KCND2: variants seen among roughly 807,000 people sequenced by gnomAD.
KCND2 encodes potassium voltage-gated channel subfamily D member 2.
Under a neutral mutation model 54.4 loss-of-function variants are expected in KCND2, and 16 were observed. The ratio of observed to expected loss-of-function variants is 0.29; its 90% CI spans 0.20 to 0.45. The LOEUF (loss-of-function observed/expected upper bound fraction) is 0.45. Ranked by LOEUF, KCND2 falls within the 20% of genes least tolerant of loss-of-function variation. The probability of loss-of-function intolerance (pLI) is 1.00; values close to 1 mark genes in which losing one functional copy is unlikely to be tolerated. For missense variants in KCND2, 486 were observed against 824.2 expected (o/e 0.59, Z 5.02); for synonymous variants, 317 against 310.7 (o/e 1.02, Z -0.21).
At chr7:120,729,115 G>T (rs1420773547) in intron 1 of KCND2, among the ~76,000 whole-genome samples, 1 of 152,130 alleles carries the variant, frequency 6.6e-6, no homozygotes, top group Non-Finnish European at 1.5e-5. Flanking sequence ...CTAGTTAGAA[G>T]ATCTTTTGTT....
chr7:120,662,464 A>T (rs188497446), intron 1 of KCND2, among the ~76,000 whole-genome samples: 25 of 152,320 alleles, frequency 1.6e-4, no homozygotes, highest in African/African-American at 6.0e-4. Context: ...CAATGATAAG[A>T]TTACATTCCA....
At chr7:120,494,036 CAG>C (rs1802818303) in intron 1 of KCND2, among the ~76,000 whole-genome samples, 1 of 152,072 alleles carries the variant, frequency 6.6e-6, no homozygotes, top group African/African-American at 2.4e-5. Context: ...TGATAACAAA[CAG>C]AATAATATTT....
chr7:120,733,900 T>A (rs1454593304), intron 2 of KCND2, among the ~76,000 whole-genome samples: 1 of 152,196 alleles, frequency 6.6e-6, no homozygotes, highest in Non-Finnish European at 1.5e-5. Context: ...CAATATTTAA[T>A]GTTTACTGAT....
chr7:120,447,970 A>G (rs1247991733), intron 1 of KCND2, among the ~76,000 whole-genome samples: 2 of 152,120 alleles, frequency 1.3e-5, no homozygotes, highest in Non-Finnish European at 2.9e-5. Flanking sequence ...TTCATGAATT[A>G]TTAGTTTGAA....
intron 1 of KCND2, among the ~76,000 whole-genome samples, chr7:120,426,842 G>A (rs142521461): frequency 1.9e-4 from 29 of 152,064 alleles, no homozygotes; most frequent in African/African-American, 6.0e-4. Context: ...GGATGGTCTC[G>A]ATCTCCTGAC....
intron 1 of KCND2, among the ~76,000 whole-genome samples, chr7:120,578,050 AG>A (rs1216502505): frequency 6.6e-6 from 1 of 151,604 alleles, no homozygotes; most frequent in Non-Finnish European, 1.5e-5. Context: ...AAGGAGAAGA[AG>A]AAGAAGAAGA....
chr7:120,508,891 A>ATTTTATTT (rs1803069903), intron 1 of KCND2, among the ~76,000 whole-genome samples: 1 of 138,250 alleles, frequency 7.2e-6, no homozygotes, highest in South Asian at 2.3e-4. Context: ...GCCTTTCACG[A>ATTTTATTT]TTTTTTTTTT....
intron 1 of KCND2, among the ~76,000 whole-genome samples, chr7:120,548,241 C>T (rs1301729495): frequency 1.3e-5 from 2 of 152,050 alleles, no homozygotes; most frequent in Admixed American, 6.6e-5. Flanking sequence ...CAGCCATGCT[C>T]TCTCACTTTT....
At chr7:120,511,179 AT>A (rs1803109124) in intron 1 of KCND2, among the ~76,000 whole-genome samples, 1 of 152,030 alleles carries the variant, frequency 6.6e-6, no homozygotes, top group Non-Finnish European at 1.5e-5. Flanking sequence ...GGAGAACTCC[AT>A]GGTTCACTCT....
At chr7:120,328,489 C>A (rs1227758034) in intron 1 of KCND2, among the ~76,000 whole-genome samples, 1 of 152,018 alleles carries the variant, frequency 6.6e-6, no homozygotes, top group Non-Finnish European at 1.5e-5. Flanking sequence ...GACAGTTTAA[C>A]CAGGATAATC....
chr7:120,290,309 G>A (rs1473176062), intron 1 of KCND2, among the ~76,000 whole-genome samples: 1 of 151,936 alleles, frequency 6.6e-6, no homozygotes, highest in African/African-American at 2.4e-5. Flanking sequence ...AGTTCCCATA[G>A]AAGCAAAGTC....
intron 1 of KCND2, among the ~76,000 whole-genome samples, chr7:120,351,404 ACACACACACTCTCT>A (rs1323156082): frequency 7.4e-6 from 1 of 134,910 alleles, no homozygotes; most frequent in Non-Finnish European, 1.6e-5. Context: ...ACACACACAC[ACACACACACTCTCT>A]CTCTCTCTCT....
chr7:120,415,309 G>C (rs1050959066), intron 1 of KCND2, among the ~76,000 whole-genome samples: 1 of 152,140 alleles, frequency 6.6e-6, no homozygotes, highest in Non-Finnish European at 1.5e-5. Context: ...AGAAGTTCTT[G>C]TAAAAGCTTT....
chr7:120,739,023 T>C (rs775904070), intron 2 of KCND2, among the ~76,000 whole-genome samples: 1 of 151,992 alleles, frequency 6.6e-6, no homozygotes, highest in South Asian at 2.1e-4. Flanking sequence ...CAAAAATGGA[T>C]AGTCTGTCTC....
chr7:120,725,338 A>G (rs1346207896), intron 1 of KCND2, among the ~76,000 whole-genome samples: 2 of 152,322 alleles, frequency 1.3e-5, no homozygotes, highest in East Asian at 1.9e-4. Context: ...GATACCTAGC[A>G]TTAGAGAAAA....
intron 1 of KCND2, among the ~76,000 whole-genome samples, chr7:120,596,519 G>A (rs990067308): frequency 6.6e-6 from 1 of 152,086 alleles, no homozygotes. Flanking sequence ...GACATAGAAA[G>A]GTTCTTAATC....
chr7:120,373,488 C>T (rs1800792848), intron 1 of KCND2, among the ~76,000 whole-genome samples: 1 of 151,842 alleles, frequency 6.6e-6, no homozygotes, highest in African/African-American at 2.4e-5. Context: ...CTTTAAATTG[C>T]TCCTCATTTA....
At chr7:120,533,759 C>T (rs1378530401) in intron 1 of KCND2, among the ~76,000 whole-genome samples, 1 of 152,006 alleles carries the variant, frequency 6.6e-6, no homozygotes, top group East Asian at 1.9e-4. Context: ...CAGTTTTTTC[C>T]TTGTGGTCTT....
At chr7:120,395,837 C>A (rs1346025615) in intron 1 of KCND2, among the ~76,000 whole-genome samples, 5 of 151,880 alleles carry the variant, frequency 3.3e-5, no homozygotes, top group Admixed American at 2.6e-4. Context: ...TCACAGTCTC[C>A]TGGGGTTGCT....
Sources: gnomAD v4.1 joint callset for allele counts (sites outside exome capture counted in the v4.1 genomes callset) on GRCh38, gnomAD v4.1.1 for gene constraint, MANE v1.5 for transcripts, NCBI Gene and HGNC (gene_info 2026-07-23, HGNC 2026-07-21) for gene names.